The following EPHB2 variants were observed in gnomAD, a reference collection of about 807,000 sequenced individuals.
EPHB2 encodes the protein EPH receptor B2, also known as ephrin type-B receptor 2.
A neutral mutation model predicts 96.4 loss-of-function variants in EPHB2; 18 were observed. The ratio of observed to expected loss-of-function variants is 0.19; its 90% CI spans 0.13 to 0.28. The LOEUF is 0.28. Among genes scored for constraint, EPHB2 ranks in the 10% least tolerant of loss-of-function variants. EPHB2 has a pLI of 1.00. For synonymous variants in EPHB2, 506 were observed against 534.1 expected (o/e 0.95, Z 0.72); for missense variants, 989 against 1,355.4 (o/e 0.73, Z 4.25).
chr1:22,827,413 C>T lies in EPHB2; in HGVS notation c.812-35624C>T, dbSNP rs552256912. On this transcript the variant is annotated intron_variant, in intron 3 of 15. Coordinates refer to ENST00000374630, the MANE Select transcript of EPHB2 (RefSeq NM_017449.5). ...GTGGAAGAGAGGTGCCCCTCGTCCC[C>T]AGTGTATTCTCCGCAAGGGTCCAGT... 1.1e-4 allele frequency among the ~76,000 whole-genome samples: 16 copies of T among 152,350 alleles called. No individual in the cohort carries two copies. The South Asian group carries it at 3.3e-3, about 32-fold the overall frequency.
chr1:22,722,682 T>A (rs1393112375), intron 1 of EPHB2, among the ~76,000 whole-genome samples: 2 of 152,184 alleles, frequency 1.3e-5, no homozygotes, highest in African/African-American at 4.8e-5. Context: ...CTAGGTTTCT[T>A]CTTGAGGGAG....
intron 3 of EPHB2, among the ~76,000 whole-genome samples, chr1:22,832,323 A>G (rs1460189145): frequency 6.6e-6 from 1 of 152,166 alleles, no homozygotes; most frequent in East Asian, 1.9e-4. Flanking sequence ...TGCTGGGCTG[A>G]TTCACAATAC....
At chr1:22,851,575 G>A (rs1405993229) in intron 3 of EPHB2, among the ~76,000 whole-genome samples, 1 of 152,204 alleles carries the variant, frequency 6.6e-6, no homozygotes, top group Non-Finnish European at 1.5e-5. Context: ...TTTATTGTGT[G>A]ACCTTAGGCA....
At chr1:22,751,361 T>C (rs1260144404) in intron 1 of EPHB2, among the ~76,000 whole-genome samples, 1 of 152,204 alleles carries the variant, frequency 6.6e-6, no homozygotes, top group East Asian at 1.9e-4. Flanking sequence ...TGCCCAGAAG[T>C]GTCCCGGTGC....
At chr1:22,718,921 C>G (rs1643364765) in intron 1 of EPHB2, among the ~76,000 whole-genome samples, 1 of 152,096 alleles carries the variant, frequency 6.6e-6, no homozygotes, top group Admixed American at 6.5e-5. Flanking sequence ...TAGAATGTGC[C>G]TCCCTGCTCA....
chr1:22,834,006 G>A (rs1468491586), intron 3 of EPHB2, among the ~76,000 whole-genome samples: 1 of 151,712 alleles, frequency 6.6e-6, no homozygotes, highest in African/African-American at 2.4e-5. Flanking sequence ...ATTATATCTT[G>A]TAATGACAAG....
chr1:22,916,543 C>A lies in EPHB2; in HGVS notation c.*2973C>A, dbSNP rs1198237571. The A allele has an allele frequency of 6.6e-6, 1 of 151,988 alleles. No homozygotes were observed. The highest frequency in any genetic ancestry group is 1.5e-5 in the Non-Finnish European group (1 of 68,084). The allele number at this position is 151,988 out of a possible 1,614,324, so 9.4% of individuals were successfully genotyped here. ...CGCTACCGGGGCAGTCGCCCCGCCC[C>A]AACCTCTTGCTTGCTGCTCAGCGGG... is the stretch of plus-strand genomic sequence containing the variant. On this transcript the variant is annotated 3_prime_UTR_variant, in exon 16 of 16. Coordinates refer to ENST00000374630, the MANE Select transcript of EPHB2 (RefSeq NM_017449.5). This position sits in a 1 kb window ranked among gnomAD's most constrained non-coding sequence, Gnocchi z 4.2.
intron 1 of EPHB2, among the ~76,000 whole-genome samples, chr1:22,774,379 A>G (rs1644419178): frequency 6.6e-6 from 1 of 152,186 alleles, no homozygotes; most frequent in Admixed American, 6.5e-5. Context: ...ATGTTCATTG[A>G]ATGACCATGA....
intron 1 of EPHB2, among the ~76,000 whole-genome samples, chr1:22,766,523 T>C (rs1008228670): frequency 2.0e-5 from 3 of 152,204 alleles, no homozygotes; most frequent in Non-Finnish European, 4.4e-5. Context: ...TGCCAGGCCT[T>C]GTGCAAAGGG....
chr1:22,852,067 G>A (rs765450687), intron 3 of EPHB2, among the ~76,000 whole-genome samples: 4 of 152,210 alleles, frequency 2.6e-5, no homozygotes, highest in African/African-American at 4.8e-5. Context: ...CCATGTCCTC[G>A]TCTGTGAAAC....
Position 22,858,635 on chromosome 1 carries a change from C to G in EPHB2, c.812-4402C>G, listed in dbSNP as rs1645741720. Among the ~76,000 whole-genome samples the G allele has an allele frequency of 1.3e-5, 2 of 152,212 alleles. No homozygotes were observed. Among genetic ancestry groups the G allele is most frequent in the South Asian group, 4.1e-4 (2 of 4,820 alleles). On this transcript the variant is annotated intron_variant, in intron 3 of 15. Coordinates refer to ENST00000374630, the MANE Select transcript of EPHB2 (RefSeq NM_017449.5). The surrounding 1 kb of genome is among the most constrained non-coding windows in gnomAD (Gnocchi z 7.7). ...ATGCAGGTGCCAGCAGGACAGGTTC[C>G]CTTCCCACCCAGAAGTTGGGAGTGG...
At chr1:22,713,944 G>T (rs997816146) in intron 1 of EPHB2, among the ~76,000 whole-genome samples, 1 of 152,210 alleles carries the variant, frequency 6.6e-6, no homozygotes, top group Non-Finnish European at 1.5e-5. Context: ...AAGTGGCGGC[G>T]AGCAGGATGG....
intron 6 of EPHB2, among the ~76,000 whole-genome samples, chr1:22,883,847 C>A (rs1019866201): frequency 6.6e-6 from 1 of 152,198 alleles, no homozygotes; most frequent in Non-Finnish European, 1.5e-5. Context: ...ACCACCTTCT[C>A]CCCGGCATCC....
intron 6 of EPHB2, among the ~76,000 whole-genome samples, chr1:22,891,627 G>C (rs531398626): frequency 6.6e-6 from 1 of 152,296 alleles, no homozygotes; most frequent in Non-Finnish European, 1.5e-5. Flanking sequence ...TGCAGCAGCT[G>C]GATCTTTGTC....
At chr1:22,859,821 G>C (rs1044964208) in intron 3 of EPHB2, among the ~76,000 whole-genome samples, 2 of 152,104 alleles carry the variant, frequency 1.3e-5, no homozygotes, top group East Asian at 1.9e-4. Flanking sequence ...ATACAAATCA[G>C]TGGTTTCTAG....
intron 8 of EPHB2, 81 bp from the exon 9 acceptor site, chr1:22,896,333 C>T: frequency 6.3e-7 from 1 of 1,592,408 alleles, no homozygotes; most frequent in Non-Finnish European, 8.6e-7. Flanking sequence ...GGCCTGCCCA[C>T]CCTCTCCCTA....
chr1:22,717,229 T>A (rs1170796407), intron 1 of EPHB2, among the ~76,000 whole-genome samples: 6 of 151,868 alleles, frequency 4.0e-5, no homozygotes, highest in African/African-American at 1.5e-4. Context: ...TTTGCACAGC[T>A]CCCAGGGGTG....
At chr1:22,832,471 T>C (rs1294476094) in intron 3 of EPHB2, among the ~76,000 whole-genome samples, 1 of 152,208 alleles carries the variant, frequency 6.6e-6, no homozygotes, top group African/African-American at 2.4e-5. Flanking sequence ...GTGTCCAGGA[T>C]TCTTACCAGA....
chr1:22,759,417 C>T (rs905823979), intron 1 of EPHB2, among the ~76,000 whole-genome samples: 1 of 152,118 alleles, frequency 6.6e-6, no homozygotes, highest in African/African-American at 2.4e-5. Context: ...GGTCTGTTTG[C>T]CCCGGGCCAT....
Sources: gnomAD v4.1 joint callset for allele counts (sites outside exome capture counted in the v4.1 genomes callset) on GRCh38, gnomAD v4.1.1 for gene constraint, Gnocchi (gnomAD v3.1) non-coding constraint, MANE v1.5 for transcripts, NCBI Gene and HGNC (gene_info 2026-07-23, HGNC 2026-07-21) for gene names.